Variants in MSRA observed in about 807,000 individuals in gnomAD.
The protein encoded by MSRA is mitochondrial peptide methionine sulfoxide reductase.
MSRA carries 54 observed loss-of-function variants against 31.3 expected under a neutral mutation model. That is an observed-to-expected ratio of 1.73 (90% CI 1.39 to 2.17). MSRA has a LOEUF of 2.17. Ranked by LOEUF, MSRA falls within the 30% of genes most tolerant of loss-of-function variation. The pLI is 0.00. For missense variants in MSRA, 507 were observed against 300.9 expected, an observed-to-expected ratio of 1.69 and a Z score of -5.07; for synonymous variants, 169 against 116.5, an observed-to-expected ratio of 1.45 and a Z score of -2.90.
intron 1 of MSRA, among the ~76,000 whole-genome samples, chr8:10,076,327 C>G (rs890155195): frequency 2.6e-5 from 4 of 152,150 alleles, no homozygotes; most frequent in African/African-American, 9.7e-5. Context: ...TACGTGACAT[C>G]ACCACACTCC....
chr8:10,357,054 A>T (rs1252630744), intron 5 of MSRA, among the ~76,000 whole-genome samples: 1 of 152,082 alleles, frequency 6.6e-6, no homozygotes, highest in African/African-American at 2.4e-5. Flanking sequence ...GAACATTGGC[A>T]GCTGCATCCA....
intron 1 of MSRA, among the ~76,000 whole-genome samples, chr8:10,066,875 C>CT (rs35203671): frequency 0.15 from 20,566 of 141,570 alleles, 1,620 homozygotes; most frequent in African/African-American, 0.21. Flanking sequence ...TCTTAAATGA[C>CT]TTTTTTTTTT....
At position 10,121,987 on chromosome 8, in the gene MSRA, G is replaced by A. The variant is rs541017389; in HGVS notation, c.142+67329G>A. On this transcript the variant is annotated intron_variant, in intron 1 of 5. Coordinates refer to ENST00000317173, the MANE Select transcript of MSRA (RefSeq NM_012331.5). ...TGAGCCACTGTGTAAATGTTTTGTA[G>A]GACTTTTAGAAAACATGGGGTTGTG... Among the ~76,000 whole-genome samples, 7 of 152,072 alleles carry A rather than the reference G, an allele frequency of 4.6e-5. 1 individual carries two copies. The South Asian group carries it at 1.5e-3, about 32-fold the overall frequency.
At chr8:10,119,543 G>C (rs1800952012) in intron 1 of MSRA, among the ~76,000 whole-genome samples, 1 of 152,230 alleles carries the variant, frequency 6.6e-6, no homozygotes, top group Non-Finnish European at 1.5e-5. Flanking sequence ...TTGGTTCGCT[G>C]ATCAGCACTT....
chr8:10,102,287 T>A (rs572675732), intron 1 of MSRA, among the ~76,000 whole-genome samples: 21 of 152,344 alleles, frequency 1.4e-4, no homozygotes, highest in African/African-American at 5.1e-4. Flanking sequence ...AAAACTTTGT[T>A]ATAGTTCTAC....
chr8:10,186,118 G>C (rs1807026440), intron 1 of MSRA, among the ~76,000 whole-genome samples: 2 of 152,164 alleles, frequency 1.3e-5, no homozygotes, highest in South Asian at 4.1e-4. Flanking sequence ...GGTGAGCCAG[G>C]TTGGCCTTCT....
chr8:10,061,999 G>T (rs1034078242), intron 1 of MSRA, among the ~76,000 whole-genome samples: 1 of 152,218 alleles, frequency 6.6e-6, no homozygotes, highest in Non-Finnish European at 1.5e-5. Flanking sequence ...CCTGCGTTGG[G>T]TGGGGGAAGG....
intron 2 of MSRA, among the ~76,000 whole-genome samples, chr8:10,217,272 C>G (rs1292328359): frequency 3.3e-5 from 5 of 152,120 alleles, no homozygotes; most frequent in Non-Finnish European, 5.9e-5. Context: ...CTGATGGCAC[C>G]CTAGGAGTGA....
At chr8:10,242,731 C>G (rs1797400750) in intron 2 of MSRA, among the ~76,000 whole-genome samples, 1 of 152,158 alleles carries the variant, frequency 6.6e-6, no homozygotes, top group Non-Finnish European at 1.5e-5. Flanking sequence ...CACACACACA[C>G]ACATTTTCAC....
At chr8:10,196,477 G>T (rs545930836) in intron 1 of MSRA, among the ~76,000 whole-genome samples, 7 of 152,272 alleles carry the variant, frequency 4.6e-5, no homozygotes, top group African/African-American at 1.7e-4. Flanking sequence ...AAATAACTTT[G>T]CTGCTTCTGT....
At chr8:10,339,256 C>G (rs1803254719) in intron 5 of MSRA, among the ~76,000 whole-genome samples, 1 of 152,168 alleles carries the variant, frequency 6.6e-6, no homozygotes, top group African/African-American at 2.4e-5. Context: ...GTTACCATCT[C>G]TTTATCTGAG....
intron 4 of MSRA, among the ~76,000 whole-genome samples, chr8:10,318,258 T>C (rs1801840291): frequency 6.6e-6 from 1 of 152,172 alleles, no homozygotes; most frequent in South Asian, 2.1e-4. Flanking sequence ...GATCCATAAT[T>C]TCCTTTTTGT....
At chr8:10,375,780 C>T (rs1563409556) in intron 5 of MSRA, among the ~76,000 whole-genome samples, 1 of 152,240 alleles carries the variant, frequency 6.6e-6, no homozygotes, top group South Asian at 2.1e-4. Context: ...CGAGACTTTA[C>T]ACAAATGCCT....
intron 1 of MSRA, among the ~76,000 whole-genome samples, chr8:10,068,024 C>T (rs555211744): frequency 6.6e-6 from 1 of 151,872 alleles, no homozygotes; most frequent in African/African-American, 2.4e-5. Flanking sequence ...GCTGGGACTA[C>T]AGGCATGTGC....
At chr8:10,401,930 A>G (rs898040226) in intron 5 of MSRA, among the ~76,000 whole-genome samples, 1 of 152,176 alleles carries the variant, frequency 6.6e-6, no homozygotes, top group Non-Finnish European at 1.5e-5. Flanking sequence ...CTAATGGGTA[A>G]AGAATTTCTG....
intron 2 of MSRA, among the ~76,000 whole-genome samples, chr8:10,237,454 C>T (rs1171681004): frequency 1.3e-5 from 2 of 152,130 alleles, no homozygotes; most frequent in African/African-American, 2.4e-5. Context: ...ACTAATATGA[C>T]AAAATATTTC....
intron 5 of MSRA, among the ~76,000 whole-genome samples, chr8:10,320,667 C>A (rs1434516208): frequency 6.6e-6 from 1 of 152,156 alleles, no homozygotes; most frequent in Non-Finnish European, 1.5e-5. Flanking sequence ...TTAGTTTAAA[C>A]AGCAGATATT....
chr8:10,309,366 C>G (rs1040250431), intron 4 of MSRA, among the ~76,000 whole-genome samples: 2 of 152,240 alleles, frequency 1.3e-5, no homozygotes, highest in African/African-American at 2.4e-5. Flanking sequence ...AGCGCTGGCT[C>G]TAATAGCTGT....
intron 1 of MSRA, among the ~76,000 whole-genome samples, chr8:10,155,189 G>A (rs574672329): frequency 1.4e-3 from 214 of 151,980 alleles, no homozygotes; most frequent in Non-Finnish European, 2.2e-3. Flanking sequence ...TTTTTAAGTA[G>A]GCTTATGTCG....
Sources: gnomAD v4.1 joint callset for allele counts (sites outside exome capture counted in the v4.1 genomes callset) on GRCh38, gnomAD v4.1.1 for gene constraint, MANE v1.5 for transcripts, NCBI Gene and HGNC (gene_info 2026-07-23, HGNC 2026-07-21) for gene names.